Variants in NLGN3 observed in about 807,000 individuals in gnomAD.
The protein encoded by NLGN3 is neuroligin 3.
Under a neutral mutation model 42.9 loss-of-function variants are expected in NLGN3, and 11 were observed. That is an observed-to-expected ratio of 0.26 (90% CI 0.16 to 0.42). The LOEUF (loss-of-function observed/expected upper bound fraction) is 0.42, where lower values mean the gene tolerates loss of function less well. Among genes scored for constraint, NLGN3 ranks in the 10% least tolerant of loss-of-function variants. The pLI is 1.00. For synonymous variants in NLGN3, 279 were observed against 312.7 expected, an observed-to-expected ratio of 0.89 and a Z score of 1.14; for missense variants, 374 against 733.8, an observed-to-expected ratio of 0.51 and a Z score of 5.67.
chrX:71,172,960 G>C (rs1414328613), downstream of NLGN3, among the ~76,000 whole-genome samples: 1 of 104,179 alleles, frequency 9.6e-6, no homozygotes, highest in Non-Finnish European at 1.9e-5. Context: ...TGAAAGCAGA[G>C]AGCTAGATTA....
chrX:71,160,028 ACCC>A (rs2092424553), intron 5 of NLGN3, among the ~76,000 whole-genome samples: 1 of 100,719 alleles, frequency 9.9e-6, no homozygotes, highest in Admixed American at 1.1e-4. Flanking sequence ...GAGCCACTGC[ACCC>A]GGCGGGGAAT....
downstream of NLGN3, among the ~76,000 whole-genome samples, chrX:71,174,421 G>T (rs1025455963): frequency 8.9e-6 from 1 of 111,938 alleles, no homozygotes; most frequent in Non-Finnish European, 1.9e-5. Context: ...GATGGGAAAA[G>T]GTAAACTCCA....
At chrX:71,164,391 C>T in intron 6 of NLGN3, 63 bp downstream of exon 6, 2 of 1,100,842 alleles carry the variant, frequency 1.8e-6, no homozygotes, top group Non-Finnish European at 2.5e-6. Flanking sequence ...CATGCCCCAT[C>T]CATGCCCCAG....
chrX:71,149,081 G>A (rs2092381761), intron 3 of NLGN3, among the ~76,000 whole-genome samples, 176 bp downstream of exon 3: 1 of 111,027 alleles, frequency 9.0e-6, no homozygotes, highest in Admixed American at 9.5e-5. Flanking sequence ...GGATTTGGTG[G>A]CCTAAGGCAG....
At chrX:71,158,202 C>T (rs1316948441) in intron 5 of NLGN3, among the ~76,000 whole-genome samples, 3 of 110,361 alleles carry the variant, frequency 2.7e-5, no homozygotes, top group South Asian at 3.9e-4. Context: ...CTCAGCCTCC[C>T]GAGCAGCTGG....
chrX:71,163,362 T>C (rs747498153), intron 5 of NLGN3, among the ~76,000 whole-genome samples: 2 of 111,724 alleles, frequency 1.8e-5, no homozygotes, highest in Non-Finnish European at 3.8e-5. Context: ...AAAACACAGA[T>C]TGCTGGGCCC....
At chrX:71,146,733 C>T (rs1458455295) in intron 1 of NLGN3, among the ~76,000 whole-genome samples, 1 of 111,478 alleles carries the variant, frequency 9.0e-6, no homozygotes, top group Non-Finnish European at 1.9e-5. Flanking sequence ...TGGTCTCTCT[C>T]ATTCCCTCTT....
At chrX:71,159,132 C>A (rs2092420424) in intron 5 of NLGN3, among the ~76,000 whole-genome samples, 1 of 110,763 alleles carries the variant, frequency 9.0e-6, no homozygotes. Context: ...TCAAGACCAG[C>A]CTGGGCAACT....
chrX:71,154,430 G>C (rs981825370), intron 4 of NLGN3, among the ~76,000 whole-genome samples: 13 of 112,594 alleles, frequency 1.2e-4, no homozygotes, highest in African/African-American at 4.2e-4. Context: ...GACTGCCCCA[G>C]CCCTGATGCC....
At chrX:71,159,371 A>G (rs2092421546) in intron 5 of NLGN3, among the ~76,000 whole-genome samples, 1 of 111,654 alleles carries the variant, frequency 9.0e-6, no homozygotes, top group Admixed American at 9.5e-5. Flanking sequence ...AAGAAAGAAA[A>G]AACAATTTTA....
chrX:71,162,425 T>C (rs1883069), intron 5 of NLGN3, among the ~76,000 whole-genome samples: 56,972 of 110,655 alleles, frequency 0.51, 12,044 homozygotes, highest in African/African-American at 0.8. Flanking sequence ...CCACCATGCC[T>C]GGCCAAGTTT....
chrX:71,150,099 G>A (rs953370246), intron 3 of NLGN3, among the ~76,000 whole-genome samples: 12 of 111,186 alleles, frequency 1.1e-4, no homozygotes, highest in African/African-American at 3.9e-4. Context: ...ATGCACACCC[G>A]AGCATGGAAT....
intron 5 of NLGN3, 134 bp from the exon 6 acceptor site, chrX:71,164,004 TTTAAG>T (rs1329579957): frequency 1.2e-5 from 7 of 590,764 alleles, no homozygotes; most frequent in Middle Eastern, 4.8e-4. Flanking sequence ...GGAGCACTGC[TTTAAG>T]TTAACTATGT....
rs746985346 is a variant in NLGN3 at position 71,168,575 on chromosome X, C to T, written c.1704-679C>T. ...GTGAAACACCGTCTCTACTATAATA[C>T]AAAAAATTTGCCAGGCGTGGTGGCG... On this transcript the variant is annotated intron_variant, in intron 7 of 7. Transcript: ENST00000358741. Among the ~76,000 whole-genome samples the T allele has an allele frequency of 3.7e-5, 4 of 108,085 alleles. No individual in the cohort carries two copies. The South Asian group carries it at 1.6e-3, about 43-fold the overall frequency. The allele number at this position is 108,085 out of a possible 115,157, so 93.9% of individuals were successfully genotyped here.
chrX:71,168,814 G>GA (rs200152352), intron 7 of NLGN3, among the ~76,000 whole-genome samples: 10 of 40,479 alleles, frequency 2.5e-4, no homozygotes, highest in Non-Finnish European at 6.0e-4. Context: ...GAAAGAAAGA[G>GA]AAAAAAAAAA....
chrX:71,169,106 G>C, intron 7 of NLGN3, 148 bp from the exon 8 acceptor site: 2 of 606,125 alleles, frequency 3.3e-6, no homozygotes, highest in Non-Finnish European at 5.3e-6. Context: ...GGAAGAAGCA[G>C]GTGTGGGCAG....
rs150612436 is a variant in NLGN3, at chrX:71,169,892, A to G, written c.2342A>G (p.His781Arg). The G allele has an allele frequency of 7.5e-6, 9 of 1,196,616 alleles. No homozygotes were observed. Among genetic ancestry groups the G allele is most frequent in the African/African-American group, 5.3e-5 (3 of 56,265 alleles). Residue 781 changes from histidine (H) to arginine (R), a missense_variant, in exon 8 of 8, where the codon CAT (histidine) becomes CGT (arginine). Physicochemically the swap from His to Arg is conservative, Grantham distance 29. Around this residue, in one of 6 missense-constraint regions of NLGN3, gnomAD observed 92 missense variants for 108.0 expected, o/e 0.85. Transcript: ENST00000358741. ...CACGAGTGTGAGGCCGGTCCCCCCC[A>G]TGACACGCTGCGCCTCACTGCATTG... ...THHECEAGPP[H>R]DTLRLTALPD...
chrX:71,165,794 A>G (rs974679996), intron 6 of NLGN3, among the ~76,000 whole-genome samples: 2 of 111,508 alleles, frequency 1.8e-5, no homozygotes, highest in Non-Finnish European at 3.8e-5. Flanking sequence ...TCGGCCTCCC[A>G]AAGTGCTGGG....
At position 71,167,579 on chromosome X, in the gene NLGN3, T is replaced by C. The variant is rs1344793972; in HGVS notation, c.1482T>C (p.His494=). The change falls in exon 7 of 8, where the codon CAT becomes CAC. Residue 494 remains histidine, a synonymous_variant. Coordinates refer to ENST00000358741, the MANE Select transcript of NLGN3 (RefSeq NM_181303.2). ...VEPSVVTADL[H]ARYGSPTYFY... is the part of the protein sequence containing the mutation. ...CCTCAGTGGTGACAGCCGATCTGCA[T>C]GCCCGCTACGGCTCGCCTACCTACT... 10 of 1,209,050 alleles carry C rather than the reference T, an allele frequency of 8.3e-6. No individual in the cohort carries two copies. Among genetic ancestry groups the C allele is most frequent in the Non-Finnish European group, 1.0e-5 (9 of 894,913 alleles).
Sources: gnomAD v4.1 joint callset for allele counts (sites outside exome capture counted in the v4.1 genomes callset) on GRCh38, gnomAD v4.1.1 for gene constraint, gnomAD v4.1.1 regional missense constraint, MANE v1.5 for transcripts, NCBI Gene and HGNC (gene_info 2026-07-23, HGNC 2026-07-21) for gene names.